The following KCNIP1 variants were observed in gnomAD, a reference collection of about 807,000 sequenced individuals.
KCNIP1 encodes the protein A-type potassium channel modulatory protein KCNIP1.
KCNIP1 carries 18 observed loss-of-function variants against 33.0 expected under a neutral mutation model. The ratio of observed to expected loss-of-function variants is 0.55; its 90% CI spans 0.38 to 0.81. The LOEUF is 0.81. Among genes scored for constraint, KCNIP1 ranks in the 30% least tolerant of loss-of-function variants. The pLI is 0.00. For synonymous variants in KCNIP1, 93 were observed against 98.3 expected (o/e 0.95, Z 0.32); for missense variants, 238 against 271.6 (o/e 0.88, Z 0.87).
At chr5:170,540,029 G>A (rs748120475) in intron 1 of KCNIP1, among the ~76,000 whole-genome samples, 12 of 151,652 alleles carry the variant, frequency 7.9e-5, no homozygotes, top group African/African-American at 2.2e-4. Flanking sequence ...ACCTGCGTGC[G>A]GGTCTCAGCG....
intron 1 of KCNIP1, chr5:170,379,035 G>A: frequency 6.4e-7 from 1 of 1,560,120 alleles, no homozygotes; most frequent in Non-Finnish European, 8.7e-7. Context: ...CCAAGGGCTT[G>A]ATATGGAGTA....
intron 1 of KCNIP1, among the ~76,000 whole-genome samples, chr5:170,704,151 G>A (rs1181382011): frequency 7.3e-6 from 1 of 137,404 alleles, no homozygotes; most frequent in Non-Finnish European, 1.5e-5. Context: ...TGGTAGACAG[G>A]GGTCTGTGCA....
At chr5:170,462,604 A>G (rs1440518495) in intron 1 of KCNIP1, among the ~76,000 whole-genome samples, 1 of 152,230 alleles carries the variant, frequency 6.6e-6, no homozygotes, top group Non-Finnish European at 1.5e-5. Context: ...TAGAACTACC[A>G]TTTGATCCAG....
At chr5:170,573,232 A>G (rs1757482109) in intron 1 of KCNIP1, among the ~76,000 whole-genome samples, 1 of 152,166 alleles carries the variant, frequency 6.6e-6, no homozygotes, top group Non-Finnish European at 1.5e-5. Flanking sequence ...TACTTTAATT[A>G]TGCACCTGGT....
intron 1 of KCNIP1, among the ~76,000 whole-genome samples, chr5:170,439,524 T>C (rs77139610): frequency 0.012 from 1,760 of 152,178 alleles, 36 homozygotes; most frequent in African/African-American, 0.04. Context: ...CCTGGTGGTC[T>C]CAGCTGCCAC....
At chr5:170,726,208 A>C (rs962518435) in intron 5 of KCNIP1, among the ~76,000 whole-genome samples, 1 of 152,238 alleles carries the variant, frequency 6.6e-6, no homozygotes, top group East Asian at 1.9e-4. Context: ...TATATACCAG[A>C]TATATAAAGA....
chr5:170,671,369 C>A (rs746222256), intron 1 of KCNIP1, among the ~76,000 whole-genome samples: 16 of 152,142 alleles, frequency 1.1e-4, no homozygotes, highest in Non-Finnish European at 1.8e-4. Flanking sequence ...GCCCTCAGAA[C>A]CTTTACACTT....
chr5:170,719,700 T>G (rs1763752647), intron 2 of KCNIP1, among the ~76,000 whole-genome samples: 1 of 152,122 alleles, frequency 6.6e-6, no homozygotes, highest in Non-Finnish European at 1.5e-5. Flanking sequence ...TTCCAGCCCC[T>G]CCTGGGAGTT....
chr5:170,430,785 G>A (rs887929779), intron 1 of KCNIP1, among the ~76,000 whole-genome samples: 3 of 152,190 alleles, frequency 2.0e-5, no homozygotes, highest in African/African-American at 7.2e-5. Context: ...GGTGACCCAC[G>A]AATGGTAGCT....
intron 1 of KCNIP1, among the ~76,000 whole-genome samples, chr5:170,599,517 A>G (rs1007935533): frequency 6.6e-6 from 1 of 152,222 alleles, no homozygotes; most frequent in Non-Finnish European, 1.5e-5. Context: ...ACAATCAAGT[A>G]GAGCCTTTCT....
chr5:170,634,889 C>T (rs1352228757), intron 1 of KCNIP1, among the ~76,000 whole-genome samples: 1 of 152,222 alleles, frequency 6.6e-6, no homozygotes, highest in African/African-American at 2.4e-5. Context: ...ACCCTTAAAT[C>T]ACAAACTAGA....
chr5:170,576,128 C>A (rs1281223211), intron 1 of KCNIP1, among the ~76,000 whole-genome samples: 1 of 152,176 alleles, frequency 6.6e-6, no homozygotes, highest in Non-Finnish European at 1.5e-5. Flanking sequence ...GGATGATCTA[C>A]TTTCAAGATG....
chr5:170,473,963 T>G (rs1485685570), intron 1 of KCNIP1, among the ~76,000 whole-genome samples: 1 of 152,124 alleles, frequency 6.6e-6, no homozygotes, highest in African/African-American at 2.4e-5. Context: ...ATAATTAGAC[T>G]GCGTTGGGCG....
intron 1 of KCNIP1, among the ~76,000 whole-genome samples, chr5:170,652,498 A>AAAAGGAAGGAAGGAAGG (rs33995162): frequency 6.2e-4 from 64 of 103,040 alleles, no homozygotes; most frequent in African/African-American, 2.5e-3. Flanking sequence ...AAAAAAAAAA[A>AAAAGGAAGGAAGGAAGG]AAGGAAGGAA....
At chr5:170,500,360 G>C (rs890787918), upstream of KCNIP1, among the ~76,000 whole-genome samples, 2 of 152,188 alleles carry the variant, frequency 1.3e-5, no homozygotes, top group Admixed American at 6.5e-5. Flanking sequence ...GGAGGGGTCA[G>C]AGCTGGAGAA....
chr5:170,707,924 A>G (rs1003671093), intron 1 of KCNIP1, among the ~76,000 whole-genome samples: 1 of 152,198 alleles, frequency 6.6e-6, no homozygotes, highest in East Asian at 1.9e-4. Flanking sequence ...CTTGAAGCAA[A>G]ACATGATTTG....
intron 1 of KCNIP1, among the ~76,000 whole-genome samples, chr5:170,510,361 G>A (rs1253080982): frequency 2.6e-5 from 4 of 152,186 alleles, no homozygotes; most frequent in Non-Finnish European, 2.9e-5. Context: ...GGATGCTGGC[G>A]GCATGGAGGT....
rs376900279 is a variant in KCNIP1, at chr5:170,394,181, C to T, written c.88+40217C>T. 9.9e-5 allele frequency among the ~76,000 whole-genome samples: 15 copies of T among 152,278 alleles called. No homozygotes were observed. In the South Asian group the frequency reaches 1.9e-3, roughly 19 times the overall value. ...GCTCTTCCTCTTCCACAGGACTCCC[C>T]GCTGGGGCCTTCCCTCGCCCCCAGC... On this transcript the variant is annotated intron_variant, in intron 1 of 7. Transcript: ENST00000377360.
At chr5:170,700,105 C>T (rs73803526) in intron 1 of KCNIP1, among the ~76,000 whole-genome samples, 3,019 of 152,180 alleles carry the variant, frequency 0.02, 106 homozygotes, top group African/African-American at 0.067. Flanking sequence ...TCCAGACACA[C>T]CTGCCTCCTG....
Sources: allele counts gnomAD v4.1 joint callset (sites outside exome capture counted in the v4.1 genomes callset), GRCh38; gene constraint gnomAD v4.1.1; transcripts MANE v1.5; gene names NCBI Gene and HGNC (gene_info 2026-07-23, HGNC 2026-07-21).